The following ZWILCH variants were observed in gnomAD, a reference collection of about 807,000 sequenced individuals.
The protein encoded by ZWILCH is protein zwilch homolog.
ZWILCH carries 74 observed loss-of-function variants against 79.9 expected under a neutral mutation model. That is an observed-to-expected ratio of 0.93 (90% CI 0.77 to 1.12). The LOEUF (loss-of-function observed/expected upper bound fraction) is 1.12. Ranked by LOEUF, ZWILCH falls within the 50% of genes most tolerant of loss-of-function variation. The pLI is 0.00. For missense variants in ZWILCH, 694 were observed against 687.5 expected, an observed-to-expected ratio of 1.01 and a Z score of -0.11; for synonymous variants, 241 against 228.2, an observed-to-expected ratio of 1.06 and a Z score of -0.51.
intron 17 of ZWILCH, among the ~76,000 whole-genome samples, chr15:66,544,075 G>A (rs1895274540): frequency 6.6e-6 from 1 of 152,048 alleles, no homozygotes; most frequent in African/African-American, 2.4e-5. Flanking sequence ...AGCCAACATG[G>A]TGAAACCCCA....
Position 66,549,675 on chromosome 15 carries a change from G to T in ZWILCH, c.*1351G>T. 1 of 160,716 alleles carries T rather than the reference G, an allele frequency of 6.2e-6. No individual in the cohort carries two copies. The highest frequency in any genetic ancestry group is 1.4e-5 in the Non-Finnish European group (1 of 73,890). 10.0% of individuals were successfully genotyped at this position (160,716 alleles called of 1,614,324 possible). A position where few individuals can be genotyped will look rare whatever the true frequency, so the allele number is the denominator to read the frequency against. On this transcript the variant is annotated 3_prime_UTR_variant, in exon 19 of 19. Transcript: ENST00000307897. ...AGTGCTTAATAATTGCTTGCCGAAT[G>T]AACAAATATAAGATCTCAAGTATTC...
intron 17 of ZWILCH, among the ~76,000 whole-genome samples, chr15:66,541,351 A>G (rs915548777): frequency 3.3e-5 from 5 of 152,142 alleles, no homozygotes; most frequent in African/African-American, 1.2e-4. Context: ...TGCAACTGTA[A>G]TACCCAGAAA....
At position 66,527,837 on chromosome 15, in the gene ZWILCH, A is replaced by G. The variant is rs771792499; in HGVS notation, c.914-20A>G. On this transcript the variant is annotated intron_variant, in intron 9 of 18. Transcript: ENST00000307897. ...GAAAGCAGAAAAATCAAGAGCTAAT[A>G]AACTTTTGCCACTTTCTAGACTTAA... 1.0e-5 allele frequency: 16 copies of G among 1,590,022 alleles called. No individual in the cohort carries two copies. The highest frequency in any genetic ancestry group is 1.4e-5 in the Non-Finnish European group (16 of 1,173,246).
At chr15:66,543,201 AAAAT>A (rs551629017) in intron 17 of ZWILCH, among the ~76,000 whole-genome samples, 2 of 152,188 alleles carry the variant, frequency 1.3e-5, no homozygotes, top group African/African-American at 4.8e-5. Flanking sequence ...TCCATCTCAA[AAAAT>A]AAATAAATAA....
intron 8 of ZWILCH, among the ~76,000 whole-genome samples, 173 bp downstream of exon 8, chr15:66,523,921 C>A (rs1014367971): frequency 2.0e-5 from 3 of 152,198 alleles, no homozygotes; most frequent in Non-Finnish European, 2.9e-5. Flanking sequence ...GTTGTCCTTA[C>A]AATTAACGGG....
intron 1 of ZWILCH, among the ~76,000 whole-genome samples, chr15:66,508,362 A>G (rs527576201): frequency 6.6e-6 from 1 of 152,372 alleles, no homozygotes; most frequent in South Asian, 2.1e-4. Flanking sequence ...CAAGTTATAA[A>G]AATGGAGGAC....
chr15:66,534,653 AG>A (rs945471607), intron 14 of ZWILCH, among the ~76,000 whole-genome samples: 1 of 152,176 alleles, frequency 6.6e-6, no homozygotes, highest in Non-Finnish European at 1.5e-5. Context: ...TAAACATAGA[AG>A]GGGTACAGTA....
intron 16 of ZWILCH, among the ~76,000 whole-genome samples, chr15:66,539,753 T>C (rs1895133947): frequency 6.6e-6 from 1 of 152,192 alleles, no homozygotes; most frequent in South Asian, 2.1e-4. Flanking sequence ...CTGGAGTTTA[T>C]CTGCCTAACT....
At chr15:66,523,799 T>C in intron 8 of ZWILCH, 51 bp downstream of exon 8, 1 of 1,380,672 alleles carries the variant, frequency 7.2e-7, no homozygotes, top group Non-Finnish European at 1.0e-6. Flanking sequence ...TTTATAAACA[T>C]GTGTGCTATT....
intron 18 of ZWILCH, chr15:66,547,465 A>C (rs1056987409): frequency 1.3e-5 from 2 of 152,030 alleles, no homozygotes; most frequent in Admixed American, 1.3e-4. Flanking sequence ...AATGCATGAG[A>C]TTGTTCTTAA....
chr15:66,534,161 A>G (rs1894940210), intron 14 of ZWILCH, among the ~76,000 whole-genome samples: 2 of 151,930 alleles, frequency 1.3e-5, no homozygotes, highest in African/African-American at 4.8e-5. Context: ...ATATGTGTGG[A>G]TTTCTTCTTG....
chr15:66,543,496 G>A (rs1339620325), intron 17 of ZWILCH, among the ~76,000 whole-genome samples: 2 of 152,188 alleles, frequency 1.3e-5, no homozygotes, highest in Non-Finnish European at 2.9e-5. Context: ...TCACGATTTT[G>A]TAATCCTAGC....
chr15:66,527,942 C>G, intron 10 of ZWILCH, 30 bp downstream of exon 10: 2 of 1,553,426 alleles, frequency 1.3e-6, no homozygotes, highest in Non-Finnish European at 1.7e-6. Flanking sequence ...TAGAAATATA[C>G]ACAGAAATAG....
intron 2 of ZWILCH, among the ~76,000 whole-genome samples, chr15:66,511,242 T>C (rs1031491786): frequency 6.6e-6 from 1 of 152,110 alleles, no homozygotes; most frequent in Non-Finnish European, 1.5e-5. Flanking sequence ...TCCTAGCACA[T>C]TGGGAGGCTG....
In ZWILCH at chr15:66,545,882, T is replaced by G. The variant is rs559336209; in HGVS notation, c.1688-709T>G. Among the ~76,000 whole-genome samples, 3 of 152,360 alleles carry G rather than the reference T, an allele frequency of 2.0e-5. No individual in the cohort carries two copies. The East Asian group carries it at 5.8e-4, about 29-fold the overall frequency. On this transcript the variant is annotated intron_variant, in intron 17 of 18. Coordinates refer to ENST00000307897, the MANE Select transcript of ZWILCH (RefSeq NM_017975.5). ...CTTCTTATTTCTTTGGACTGAGCACTTAAGTCCAATACTAGCTTTTCAAGA... is the reference window on the plus strand; with the variant it reads ...CTTCTTATTTCTTTGGACTGAGCACGTAAGTCCAATACTAGCTTTTCAAGA...
At chr15:66,509,186 C>T (rs900294048) in intron 2 of ZWILCH, among the ~76,000 whole-genome samples, 1 of 152,086 alleles carries the variant, frequency 6.6e-6, no homozygotes, top group Non-Finnish European at 1.5e-5. Flanking sequence ...ATGATCCGCC[C>T]GCCTCGGCCT....
intron 15 of ZWILCH, among the ~76,000 whole-genome samples, 153 bp from the exon 16 acceptor site, chr15:66,537,011 GTGTT>G (rs537150125): frequency 2.6e-4 from 39 of 152,256 alleles, no homozygotes; most frequent in Non-Finnish European, 4.7e-4. Context: ...TAGGGTTGTT[GTGTT>G]TGTTTGTTTA....
Position 66,527,384 on chromosome 15 carries a change from G to A in ZWILCH, c.913+1G>A. 1 of 1,611,122 alleles carries A rather than the reference G, an allele frequency of 6.2e-7. No homozygotes were observed. Among genetic ancestry groups the A allele is most frequent in the Non-Finnish European group, 8.5e-7 (1 of 1,177,412 alleles). ...GAACTTGTTCAGGAATTTCTGAATGGTGTATTACTTGTTTTATTAATTGAG... is the reference window on the plus strand; with the variant it reads ...GAACTTGTTCAGGAATTTCTGAATGATGTATTACTTGTTTTATTAATTGAG... On this transcript the variant is annotated splice_donor_variant, in intron 9 of 18. Coordinates refer to ENST00000307897, the MANE Select transcript of ZWILCH (RefSeq NM_017975.5). LOFTEE classifies it high-confidence loss of function.
intron 8 of ZWILCH, among the ~76,000 whole-genome samples, chr15:66,525,124 G>A (rs1019136536): frequency 5.3e-5 from 8 of 152,166 alleles, no homozygotes; most frequent in Non-Finnish European, 1.2e-4. Context: ...ATTTCTGTCT[G>A]TGGTCCCATC....
Sources: allele counts gnomAD v4.1 joint callset (sites outside exome capture counted in the v4.1 genomes callset), GRCh38; gene constraint gnomAD v4.1.1; transcripts MANE v1.5; gene names NCBI Gene and HGNC (gene_info 2026-07-23, HGNC 2026-07-21).